CSGALNACT1: variants seen among roughly 807,000 people sequenced by gnomAD.
CSGALNACT1 encodes the protein chondroitin sulfate N-acetylgalactosaminyltransferase 1.
In CSGALNACT1, 52 loss-of-function variants were observed where a neutral mutation model predicts 51.0. That is an observed-to-expected ratio of 1.02 (90% CI 0.82 to 1.29). CSGALNACT1 has a LOEUF of 1.29. Among genes scored for constraint, CSGALNACT1 ranks in the 50% most tolerant of loss-of-function variants. The probability of loss-of-function intolerance (pLI) is 0.00; values close to 1 mark genes in which losing one functional copy is unlikely to be tolerated. For missense variants in CSGALNACT1, 935 were observed against 679.2 expected (o/e 1.38, Z -4.19); for synonymous variants, 341 against 254.4 (o/e 1.34, Z -3.24).
intron 5 of CSGALNACT1, among the ~76,000 whole-genome samples, chr8:19,445,978 C>T (rs1328568436): frequency 1.3e-5 from 2 of 152,202 alleles, no homozygotes; most frequent in Non-Finnish European, 2.9e-5. Context: ...AGTTCAAGAC[C>T]ACCCTGGCCA....
intron 4 of CSGALNACT1, among the ~76,000 whole-genome samples, chr8:19,500,445 C>T (rs561656083): frequency 9.0e-6 from 1 of 111,156 alleles, no homozygotes; most frequent in Non-Finnish European, 2.0e-5. Context: ...ATGATTTCCA[C>T]CACAAGTCAC....
At chr8:19,635,113 T>A (rs1227295381) in intron 1 of CSGALNACT1, among the ~76,000 whole-genome samples, 1 of 152,154 alleles carries the variant, frequency 6.6e-6, no homozygotes, top group Non-Finnish European at 1.5e-5. Flanking sequence ...ATAAATAAGA[T>A]CTGTTTACCT....
intron 1 of CSGALNACT1, among the ~76,000 whole-genome samples, chr8:19,750,173 C>T (rs1433721901): frequency 6.6e-6 from 1 of 152,180 alleles, no homozygotes; most frequent in Non-Finnish European, 1.5e-5. Flanking sequence ...CTCCCTTACC[C>T]CTTGTACCCA....
intron 1 of CSGALNACT1, among the ~76,000 whole-genome samples, chr8:19,637,143 T>G (rs948310295): frequency 6.6e-6 from 1 of 152,088 alleles, no homozygotes; most frequent in African/African-American, 2.4e-5. Flanking sequence ...GAGGCAGAGG[T>G]TGTAGTGAGT....
intron 1 of CSGALNACT1, among the ~76,000 whole-genome samples, chr8:19,668,891 G>A (rs1024921234): frequency 2.6e-5 from 4 of 152,136 alleles, no homozygotes; most frequent in African/African-American, 4.8e-5. Context: ...GATCAATCAC[G>A]TTGGATAAGG....
At chr8:19,533,850 A>G (rs1177390791) in intron 3 of CSGALNACT1, among the ~76,000 whole-genome samples, 1 of 152,176 alleles carries the variant, frequency 6.6e-6, no homozygotes, top group Non-Finnish European at 1.5e-5. Context: ...CATGGAAAAC[A>G]AAGCTTAGAT....
At chr8:19,681,387 A>G (rs1041141687) in intron 1 of CSGALNACT1, among the ~76,000 whole-genome samples, 1 of 152,128 alleles carries the variant, frequency 6.6e-6, no homozygotes, top group Non-Finnish European at 1.5e-5. Flanking sequence ...GAAATGGTGC[A>G]TCTGTCCTTC....
At chr8:19,511,460 G>C (rs2078451776) in intron 3 of CSGALNACT1, among the ~76,000 whole-genome samples, 1 of 152,216 alleles carries the variant, frequency 6.6e-6, no homozygotes, top group Non-Finnish European at 1.5e-5. Context: ...ATACCATCCT[G>C]GAGGTGTGTG....
intron 1 of CSGALNACT1, among the ~76,000 whole-genome samples, chr8:19,630,192 C>G (rs1338287371): frequency 2.2e-4 from 27 of 120,074 alleles, no homozygotes; most frequent in African/African-American, 8.4e-4. Context: ...GTTCCCACGT[C>G]TCTGTGTGTG....
upstream of CSGALNACT1, among the ~76,000 whole-genome samples, chr8:19,605,707 A>T (rs2051279302): frequency 6.6e-6 from 1 of 152,122 alleles, no homozygotes; most frequent in African/African-American, 2.4e-5. Flanking sequence ...TTCAGTTGGG[A>T]CTCTAAAGAT....
chr8:19,641,183 TCTC>T (rs1303957944), intron 1 of CSGALNACT1, among the ~76,000 whole-genome samples: 1 of 144,640 alleles, frequency 6.9e-6, no homozygotes, highest in African/African-American at 2.6e-5. Flanking sequence ...CCCCTTCACT[TCTC>T]CTCCCAACAA....
At chr8:19,554,537 T>C (rs1025999838) in intron 3 of CSGALNACT1, among the ~76,000 whole-genome samples, 12 of 44,666 alleles carry the variant, frequency 2.7e-4, no homozygotes, top group African/African-American at 2.5e-3. Context: ...TGCAACCATA[T>C]TGAGCAAACT....
intron 1 of CSGALNACT1, among the ~76,000 whole-genome samples, chr8:19,713,634 G>A (rs1480731454): frequency 2.0e-5 from 3 of 152,116 alleles, no homozygotes; most frequent in Non-Finnish European, 4.4e-5. Flanking sequence ...GGCAGACACT[G>A]GACTGCTGCA....
chr8:19,453,655 T>C (rs1174331452), intron 5 of CSGALNACT1, among the ~76,000 whole-genome samples: 1 of 152,202 alleles, frequency 6.6e-6, no homozygotes, highest in Non-Finnish European at 1.5e-5. Flanking sequence ...CTCACACTTA[T>C]AATCCCAGCA....
At chr8:19,577,086 GTATT>G (rs566420839) in intron 3 of CSGALNACT1, among the ~76,000 whole-genome samples, 20 of 152,170 alleles carry the variant, frequency 1.3e-4, no homozygotes, top group Non-Finnish European at 2.5e-4. Flanking sequence ...AGGGTAACAT[GTATT>G]TATTCACAAA....
chr8:19,405,021 A>G (rs1250412151), exon 10 of CSGALNACT1: 3 of 453,452 alleles, frequency 6.6e-6, no homozygotes, highest in African/African-American at 6.0e-5. Context: ...TTTGAACTGA[A>G]AGTTCTCATA....
At chr8:19,513,029 C>A (rs2078747515) in intron 3 of CSGALNACT1, among the ~76,000 whole-genome samples, 1 of 152,152 alleles carries the variant, frequency 6.6e-6, no homozygotes, top group South Asian at 2.1e-4. Flanking sequence ...GCTGCTTAAG[C>A]CAGAGGCAGG....
chr8:19,663,540 C>T (rs2058942583), intron 1 of CSGALNACT1, among the ~76,000 whole-genome samples: 1 of 152,172 alleles, frequency 6.6e-6, no homozygotes, highest in Admixed American at 6.5e-5. Context: ...ATTCATGCTT[C>T]CACAGGGAAG....
intron 3 of CSGALNACT1, among the ~76,000 whole-genome samples, chr8:19,541,407 C>T (rs990807036): frequency 2.6e-5 from 4 of 151,496 alleles, no homozygotes; most frequent in Non-Finnish European, 5.9e-5. Flanking sequence ...CTTGCCACCA[C>T]ACCCGGCTAA....
Sources: gnomAD v4.1 joint callset for allele counts (sites outside exome capture counted in the v4.1 genomes callset) on GRCh38, gnomAD v4.1.1 for gene constraint, MANE v1.5 for transcripts, NCBI Gene and HGNC (gene_info 2026-07-23, HGNC 2026-07-21) for gene names.